Variants in DENND5B observed in about 807,000 individuals in gnomAD.
The protein encoded by DENND5B is DENN domain-containing protein 5B.
In DENND5B, 34 loss-of-function variants were observed where a neutral mutation model predicts 140.6. The ratio of observed to expected loss-of-function variants is 0.24; its 90% CI spans 0.18 to 0.32. The LOEUF (loss-of-function observed/expected upper bound fraction) is 0.32. Ranked by LOEUF, DENND5B falls within the 10% of genes least tolerant of loss-of-function variation. The probability of loss-of-function intolerance (pLI) is 1.00; values close to 1 mark genes in which losing one functional copy is unlikely to be tolerated. For synonymous variants in DENND5B, 551 were observed against 562.1 expected, an observed-to-expected ratio of 0.98 and a Z score of 0.28; for missense variants, 1,142 against 1,560.2, an observed-to-expected ratio of 0.73 and a Z score of 4.52.
At chr12:31,500,275 A>G (rs934545563) in intron 1 of DENND5B, 2 of 423,810 alleles carry the variant, frequency 4.7e-6, no homozygotes, top group Non-Finnish European at 9.2e-6. Context: ...GAAAATTAGA[A>G]TACTGGCCTC....
At chr12:31,512,357 C>T (rs1947455743) in intron 1 of DENND5B, among the ~76,000 whole-genome samples, 1 of 150,614 alleles carries the variant, frequency 6.6e-6, no homozygotes, top group South Asian at 2.1e-4. Flanking sequence ...GCTGGGACTA[C>T]ACGTACACAC....
intron 6 of DENND5B, among the ~76,000 whole-genome samples, chr12:31,446,066 C>A (rs1190755678): frequency 6.6e-6 from 1 of 151,848 alleles, no homozygotes; most frequent in Non-Finnish European, 1.5e-5. Flanking sequence ...AGTAAATACT[C>A]ATGTTGGCTA....
At chr12:31,428,637 G>A (rs1242671432) in intron 8 of DENND5B, among the ~76,000 whole-genome samples, 7 of 151,726 alleles carry the variant, frequency 4.6e-5, no homozygotes, top group African/African-American at 1.2e-4. Flanking sequence ...GCTTGATCTC[G>A]GCTCACTGCA....
At chr12:31,520,382 G>A (rs1486840351) in intron 1 of DENND5B, among the ~76,000 whole-genome samples, 1 of 152,152 alleles carries the variant, frequency 6.6e-6, no homozygotes, top group African/African-American at 2.4e-5. Flanking sequence ...AAATGAAACA[G>A]CTGTTAATCA....
At chr12:31,422,031 A>T (rs1943047071) in intron 11 of DENND5B, among the ~76,000 whole-genome samples, 1 of 152,164 alleles carries the variant, frequency 6.6e-6, no homozygotes, top group Non-Finnish European at 1.5e-5. Flanking sequence ...GTCTGATTAA[A>T]TACATTTAAA....
chr12:31,507,354 C>T (rs1947242719), intron 1 of DENND5B, among the ~76,000 whole-genome samples: 1 of 152,036 alleles, frequency 6.6e-6, no homozygotes, highest in Admixed American at 6.6e-5. Context: ...TGTTTCTTGG[C>T]CTCAAACTCT....
intron 14 of DENND5B, among the ~76,000 whole-genome samples, chr12:31,403,212 T>C (rs1389025204): frequency 6.6e-6 from 1 of 152,076 alleles, no homozygotes; most frequent in Non-Finnish European, 1.5e-5. Flanking sequence ...TCTGGACATA[T>C]CGTGAAGTCT....
At chr12:31,559,522 G>A (rs1949403935) in intron 1 of DENND5B, among the ~76,000 whole-genome samples, 1 of 152,022 alleles carries the variant, frequency 6.6e-6, no homozygotes, top group South Asian at 2.1e-4. Context: ...ATCCTATTAT[G>A]TTCAACCGCT....
At position 31,452,098 on chromosome 12, in the gene DENND5B, C is replaced by T; in HGVS notation, c.1471G>A (p.Ala491Thr). ...DKDLKLHCEE[A>T]ELRDYQLNVQ... ...TTGAGCTGGTAGTCCCTTAGTTCTG[C>T]CTCTTCACAATGCAGTTTTAAATCC... Residue 491 changes from alanine to threonine, a missense_variant, in exon 5 of 21, where the codon GCA (alanine) becomes ACA (threonine). Around this residue, in one of 5 missense-constraint regions of DENND5B, gnomAD observed 708 missense variants for 905.5 expected, o/e 0.78. Coordinates refer to ENST00000389082, the MANE Select transcript of DENND5B (RefSeq NM_144973.4). The T allele has an allele frequency of 6.2e-7, 1 of 1,613,936 alleles. No homozygotes were observed. Among genetic ancestry groups the T allele is most frequent in the Non-Finnish European group, 8.5e-7 (1 of 1,179,888 alleles).
chr12:31,410,444 C>T (rs909865880), intron 13 of DENND5B, among the ~76,000 whole-genome samples: 3 of 151,876 alleles, frequency 2.0e-5, no homozygotes, highest in Non-Finnish European at 4.4e-5. Context: ...GTTCTATAAC[C>T]CAGGTTGCTG....
At chr12:31,420,383 C>T (rs970031837) in intron 11 of DENND5B, among the ~76,000 whole-genome samples, 9 of 151,942 alleles carry the variant, frequency 5.9e-5, no homozygotes, top group African/African-American at 2.2e-4. Context: ...GTGATCCTTC[C>T]ACCTTGGCCT....
intron 17 of DENND5B, among the ~76,000 whole-genome samples, chr12:31,394,131 G>GT (rs1004627728): frequency 1.3e-4 from 19 of 151,496 alleles, no homozygotes; most frequent in East Asian, 5.9e-4. Flanking sequence ...GTTTTTGTTT[G>GT]TTTTTTTTAC....
chr12:31,511,774 T>A (rs1269581881), intron 1 of DENND5B, among the ~76,000 whole-genome samples: 1 of 152,108 alleles, frequency 6.6e-6, no homozygotes, highest in African/African-American at 2.4e-5. Context: ...GAATAAAAAC[T>A]GTACTCTTAG....
At chr12:31,416,517 GCCTC>G (rs1942748524) in intron 11 of DENND5B, among the ~76,000 whole-genome samples, 1 of 152,064 alleles carries the variant, frequency 6.6e-6, no homozygotes, top group Non-Finnish European at 1.5e-5. Context: ...GCCCGCCTTG[GCCTC>G]CCAAAGTGCT....
Position 31,447,555 on chromosome 12 carries a change from C to T in DENND5B, c.1844G>A (p.Ser615Asn). 3 of 1,609,922 alleles carry T rather than the reference C, an allele frequency of 1.9e-6. No individual in the cohort carries two copies. Among genetic ancestry groups the T allele is most frequent in the Non-Finnish European group, 2.5e-6 (3 of 1,177,674 alleles). ...TLRTSIYQKCSTLKEAAQSIE... is the reference protein window; with the variant it reads ...TLRTSIYQKCNTLKEAAQSIE... ...AAATGTACCTGCTTCTTTTAAAGTG[C>T]TGCATTTCTGATATATAGATGTCCG... The change falls in exon 6 of 21, where the codon AGC becomes AAC. Residue 615 changes from serine to asparagine, a missense_variant. Physicochemically the swap from Ser to Asn is conservative, Grantham distance 46 (BLOSUM62 1). Transcript: ENST00000389082.
Position 31,525,993 on chromosome 12 carries a change from C to T in DENND5B, c.128-30074G>A, listed in dbSNP as rs893621129. ...GAGCAGTGGAAGTGAAACCCTGTCT[C>T]GAATAAATTTTTTAAAAAATTCTAT... On this transcript the variant is annotated intron_variant, in intron 1 of 20. Transcript: ENST00000389082. Among the ~76,000 whole-genome samples the T allele has an allele frequency of 5.9e-5, 9 of 152,024 alleles. No homozygotes were observed. The East Asian group carries it at 7.7e-4, about 13-fold the overall frequency.
intron 1 of DENND5B, among the ~76,000 whole-genome samples, chr12:31,563,084 TC>T (rs1194435134): frequency 6.6e-6 from 1 of 152,190 alleles, no homozygotes. Context: ...GCAAATGAGT[TC>T]TACTGACCAT....
chr12:31,563,748 G>C (rs1371880728), intron 1 of DENND5B, among the ~76,000 whole-genome samples: 2 of 152,090 alleles, frequency 1.3e-5, no homozygotes, highest in Non-Finnish European at 2.9e-5. Context: ...TAAGAAACAT[G>C]CAAATGCCTT....
At chr12:31,575,865 C>G (rs892684291) in intron 1 of DENND5B, among the ~76,000 whole-genome samples, 11 of 152,120 alleles carry the variant, frequency 7.2e-5, no homozygotes, top group Non-Finnish European at 1.5e-4. Flanking sequence ...ACTTGGGAGG[C>G]TGAGGCATGA....
Sources: allele counts gnomAD v4.1 joint callset (sites outside exome capture counted in the v4.1 genomes callset), GRCh38; gene constraint gnomAD v4.1.1; regional missense constraint gnomAD v4.1.1; transcripts MANE v1.5; gene names NCBI Gene and HGNC (gene_info 2026-07-23, HGNC 2026-07-21).